Variants in C15orf40 observed in about 807,000 individuals in gnomAD.
C15orf40 encodes UPF0235 protein C15orf40.
C15orf40 carries 9 observed loss-of-function variants against 13.9 expected under a neutral mutation model. The ratio of observed to expected loss-of-function variants is 0.65; its 90% CI spans 0.39 to 1.13. The LOEUF is 1.13. C15orf40 is among the 50% of genes most tolerant of loss of function. The pLI is 0.01. For synonymous variants in C15orf40, 95 were observed against 69.2 expected (o/e 1.37, Z -1.85); for missense variants, 225 against 188.5 (o/e 1.19, Z -1.13).
At chr15:83,009,836 C>T (rs1255958042) in intron 2 of C15orf40, among the ~76,000 whole-genome samples, 4 of 152,144 alleles carry the variant, frequency 2.6e-5, no homozygotes, top group South Asian at 4.1e-4. Flanking sequence ...GAACTGATCA[C>T]GGGTCTCAGA....
Position 83,002,757 on chromosome 15 carries a change from G to C in C15orf40, c.*2840C>G, listed in dbSNP as rs956803136. ...ACATGAAACAAGTGGGCCTGAGGATGAAACTGGCACTGCAGAAGATTCAGG... is the reference window on the plus strand; with the variant it reads ...ACATGAAACAAGTGGGCCTGAGGATCAAACTGGCACTGCAGAAGATTCAGG... On this transcript the variant is annotated 3_prime_UTR_variant, in exon 4 of 4. Transcript: ENST00000304177. 1.3e-5 allele frequency: 2 copies of C among 152,252 alleles called. No homozygotes were observed. Among genetic ancestry groups the C allele is most frequent in the East Asian group, 3.8e-4 (2 of 5,200 alleles). The allele number at this position is 152,252 out of a possible 1,614,324, so 9.4% of individuals were successfully genotyped here. A position where few individuals can be genotyped will look rare whatever the true frequency, so the allele number is the denominator to read the frequency against.
At chr15:82,991,847 A>C, downstream of C15orf40, 1 of 1,261,640 alleles carries the variant, frequency 7.9e-7, no homozygotes, top group Non-Finnish European at 1.0e-6. Flanking sequence ...AGGATTTGAT[A>C]CTACAGATAT....
In C15orf40 at chr15:83,001,423, C is replaced by T. The variant is rs1456222873; in HGVS notation, c.*4174G>A. Reference sequence around the variant, plus strand: ...GATGCAGTGCTAGAACATCATATGTCGGCATAGTTGGATAAATATTTTTCA... The same window carrying T: ...GATGCAGTGCTAGAACATCATATGTTGGCATAGTTGGATAAATATTTTTCA... On this transcript the variant is annotated 3_prime_UTR_variant, in exon 4 of 4. Transcript: ENST00000304177. The T allele has an allele frequency of 1.8e-5, 8 of 448,634 alleles. No individual in the cohort carries two copies. Among genetic ancestry groups the T allele is most frequent in the Non-Finnish European group, 2.1e-5 (7 of 339,738 alleles). 27.8% of individuals were successfully genotyped at this position (448,634 alleles called of 1,614,324 possible). A position where few individuals can be genotyped will look rare whatever the true frequency, so the allele number is the denominator to read the frequency against.
At chr15:82,989,302 AG>A, downstream of C15orf40, 1 of 925,294 alleles carries the variant, frequency 1.1e-6, no homozygotes, top group Non-Finnish European at 1.6e-6. Context: ...TGGCATACCT[AG>A]TACCTAATAA....
chr15:83,010,457 C>T, intron 1 of C15orf40, 94 bp from the exon 2 acceptor site: 1 of 1,458,734 alleles, frequency 6.9e-7, no homozygotes, highest in African/African-American at 1.4e-5. Context: ...CCTTAACAGA[C>T]AAACTAGGCT....
chr15:83,005,063 A>G lies in C15orf40; in HGVS notation c.*534T>C. On this transcript the variant is annotated 3_prime_UTR_variant, in exon 4 of 4. Transcript: ENST00000304177. ...TTCTTCCCAGCTCTGTTATTTTACAACGCCATGAAATCAGAGTAACATGTT... is the reference window on the plus strand; with the variant it reads ...TTCTTCCCAGCTCTGTTATTTTACAGCGCCATGAAATCAGAGTAACATGTT... 8.4e-7 allele frequency: 1 copy of G among 1,196,780 alleles called. No individual in the cohort carries two copies. Among genetic ancestry groups the G allele is most frequent in the South Asian group, 1.6e-5 (1 of 61,950 alleles). The allele number at this position is 1,196,780 out of a possible 1,614,324, so 74.1% of individuals were successfully genotyped here.
chr15:83,005,699 C>A lies in C15orf40; in HGVS notation c.367-7G>T. ...TTTCACGAGATTTACCACCCTGGAC[C>A]AAAAGAGAAAAAGCATACTTTACTG... On this transcript the variant is annotated splice_region_variant and splice_polypyrimidine_tract_variant and intron_variant, in intron 3 of 3. Coordinates refer to ENST00000304177, the MANE Select transcript of C15orf40 (RefSeq NM_144597.3). 2 of 1,609,660 alleles carry A rather than the reference C, an allele frequency of 1.2e-6. No homozygotes were observed. The highest frequency in any genetic ancestry group is 1.7e-6 in the Non-Finnish European group (2 of 1,178,356).
Position 83,011,483 on chromosome 15 carries a change from G to A in C15orf40, c.111+14C>T. 1 of 1,594,774 alleles carries A rather than the reference G, an allele frequency of 6.3e-7. No individual in the cohort carries two copies. Among genetic ancestry groups the A allele is most frequent in the Non-Finnish European group, 8.5e-7 (1 of 1,172,050 alleles). On this transcript the variant is annotated intron_variant, in intron 1 of 3. Transcript: ENST00000304177. ...GAGGCCCACCCCTCTGCCGCCACGG[G>A]ACCTGCTACTGGCCTTGGTCGTCGC...
chr15:82,994,620 A>G (rs1318874882), downstream of C15orf40, among the ~76,000 whole-genome samples: 1 of 152,214 alleles, frequency 6.6e-6, no homozygotes, highest in Non-Finnish European at 1.5e-5. Flanking sequence ...TGGAAATGTT[A>G]GTTGTGAAAG....
downstream of C15orf40, among the ~76,000 whole-genome samples, chr15:82,994,190 A>G (rs74030868): frequency 2.2e-3 from 341 of 152,344 alleles, no homozygotes; most frequent in African/African-American, 7.4e-3. Context: ...GTAGGACTTT[A>G]TAATAGAATT....
At position 83,000,057 on chromosome 15, in the gene C15orf40, G is replaced by T. The variant is rs1330980911; in HGVS notation, c.*5540C>A. On this transcript the variant is annotated 3_prime_UTR_variant, in exon 4 of 4. Coordinates refer to ENST00000304177, the MANE Select transcript of C15orf40 (RefSeq NM_144597.3). The stretch of plus-strand genomic sequence containing the variant: ...TAGGTCCATCCCTGCAGCAGAAATG[G>T]GAGCTATAGATGGTCATAGCTCCCT... The T allele has an allele frequency of 6.6e-6, 1 of 152,026 alleles. No homozygotes were observed. The highest frequency in any genetic ancestry group is 6.6e-5 in the Admixed American group (1 of 15,246). 9.4% of individuals were successfully genotyped at this position (152,026 alleles called of 1,614,324 possible). A position where few individuals can be genotyped will look rare whatever the true frequency, so the allele number is the denominator to read the frequency against.
At position 82,996,018 on chromosome 15, in the gene C15orf40, C is replaced by T. The variant is rs1244905863; in HGVS notation, c.*9579G>A. On this transcript the variant is annotated 3_prime_UTR_variant, in exon 4 of 4. Coordinates refer to ENST00000304177, the MANE Select transcript of C15orf40 (RefSeq NM_144597.3). ...TGGGCTGATTTCAGTTGTTTTCACT[C>T]CTCTCCCTAAAGGGCACAGACAGCC... The T allele has an allele frequency of 6.6e-6, 1 of 152,200 alleles. No individual in the cohort carries two copies. Among genetic ancestry groups the T allele is most frequent in the Non-Finnish European group, 1.5e-5 (1 of 68,052 alleles). 9.4% of individuals were successfully genotyped at this position (152,200 alleles called of 1,614,324 possible). A position where few individuals can be genotyped will look rare whatever the true frequency, so the allele number is the denominator to read the frequency against.
rs2151274223 is a variant in C15orf40, at chr15:82,994,870, ACT to A, written c.*10725_*10726del. The A allele has an allele frequency of 6.6e-6, 1 of 152,276 alleles. No individual in the cohort carries two copies. Among genetic ancestry groups the A allele is most frequent in the African/African-American group, 2.4e-5 (1 of 41,562 alleles). The allele number at this position is 152,276 out of a possible 1,614,324, so 9.4% of individuals were successfully genotyped here. A position where few individuals can be genotyped will look rare whatever the true frequency, so the allele number is the denominator to read the frequency against. On this transcript the variant is annotated 3_prime_UTR_variant, in exon 4 of 4. Coordinates refer to ENST00000304177, the MANE Select transcript of C15orf40 (RefSeq NM_144597.3). ...GAACACAGAAAGATATGCTTTTAAA[ACT>A]CTCAAATTTTAAAATTGATTTAAGC... is the stretch of plus-strand genomic sequence containing the variant.
In C15orf40 at chr15:83,001,059, C is replaced by T. The variant is rs921049157; in HGVS notation, c.*4538G>A. 41 of 955,030 alleles carry T rather than the reference C, an allele frequency of 4.3e-5. No homozygotes were observed. Among genetic ancestry groups the T allele is most frequent in the Non-Finnish European group, 4.4e-5 (35 of 802,270 alleles). The allele number at this position is 955,030 out of a possible 1,614,324, so 59.2% of individuals were successfully genotyped here. On this transcript the variant is annotated 3_prime_UTR_variant, in exon 4 of 4. Coordinates refer to ENST00000304177, the MANE Select transcript of C15orf40 (RefSeq NM_144597.3). ...AACTCCTGACTTCAAGTGATCCACC[C>T]GCCTCAGCCTCCCAAAGTGCTGGGA...
downstream of C15orf40, among the ~76,000 whole-genome samples, chr15:82,994,347 TTTTA>T (rs146123741): frequency 0.22 from 34,020 of 151,924 alleles, 4,202 homozygotes; most frequent in East Asian, 0.57. Context: ...TTTTTAAAAA[TTTTA>T]TTTATTTTAA....
In C15orf40 at chr15:82,997,271, AG is replaced by A. The variant is rs2031138876; in HGVS notation, c.*8325del. The A allele has an allele frequency of 7.0e-6, 1 of 143,192 alleles. No homozygotes were observed. 8.9% of individuals were successfully genotyped at this position (143,192 alleles called of 1,614,324 possible). ...GATAATTCTTGGGTGTTTCTCACAG[AG>A]GGGGATTTGGCAGGGAAGGTCAGCA... On this transcript the variant is annotated 3_prime_UTR_variant, in exon 4 of 4. Coordinates refer to ENST00000304177, the MANE Select transcript of C15orf40 (RefSeq NM_144597.3).
rs1206735712 is a variant in C15orf40, at chr15:83,005,582, C to T, written c.*15G>A. 5 of 1,599,974 alleles carry T rather than the reference C, an allele frequency of 3.1e-6. No homozygotes were observed. The highest frequency in any genetic ancestry group is 1.7e-4 in the Middle Eastern group (1 of 5,932). ...TACAGGCATGAGCCACTGCGCCCGG[C>T]CTCATTTCTTGCTTTTATGTTTTTT... On this transcript the variant is annotated 3_prime_UTR_variant, in exon 4 of 4. Coordinates refer to ENST00000304177, the MANE Select transcript of C15orf40 (RefSeq NM_144597.3).
chr15:83,006,790 T>A (rs544149628), intron 3 of C15orf40, among the ~76,000 whole-genome samples: 324 of 152,286 alleles, frequency 2.1e-3, no homozygotes, highest in African/African-American at 7.5e-3. Flanking sequence ...AAGGATTTGT[T>A]TTCAAACACA....
Position 82,998,812 on chromosome 15 carries a change from AGGCAGGC to A in C15orf40, c.*6778_*6784del, listed in dbSNP as rs2031268797. ...GCAATCTCGGCACTTTGGGAGGCCA[AGGCAGGC>A]GGCTGGGAGGTGTAGGTTGTAGTGA... On this transcript the variant is annotated 3_prime_UTR_variant, in exon 4 of 4. Transcript: ENST00000304177. The A allele has an allele frequency of 1.3e-5, 1 of 76,874 alleles. No individual in the cohort carries two copies. The highest frequency in any genetic ancestry group is 2.4e-5 in the Non-Finnish European group (1 of 41,430). The allele number at this position is 76,874 out of a possible 1,614,324, so 4.8% of individuals were successfully genotyped here.
Sources: gnomAD v4.1 joint callset for allele counts (sites outside exome capture counted in the v4.1 genomes callset) on GRCh38, gnomAD v4.1.1 for gene constraint, MANE v1.5 for transcripts, NCBI Gene and HGNC (gene_info 2026-07-23, HGNC 2026-07-21) for gene names.